Variants in YAP1 observed in about 807,000 individuals in gnomAD.
The protein encoded by YAP1 is Yes1 associated transcriptional regulator.
YAP1 carries 5 observed loss-of-function variants against 56.9 expected under a neutral mutation model. The observed-to-expected ratio is 0.09, with a 90% confidence interval of 0.05 to 0.18. The LOEUF (loss-of-function observed/expected upper bound fraction) is 0.18, where lower values mean the gene tolerates loss of function less well. YAP1 is among the 10% of genes least tolerant of loss of function. The probability of loss-of-function intolerance (pLI) is 1.00; values close to 1 mark genes in which losing one functional copy is unlikely to be tolerated. For synonymous variants in YAP1, 265 were observed against 248.1 expected (o/e 1.07, Z -0.64); for missense variants, 539 against 651.8 (o/e 0.83, Z 1.88).
chr11:102,144,958 A>T lies in YAP1; in HGVS notation c.573-17498A>T, dbSNP rs74845683. On this transcript the variant is annotated intron_variant, in intron 2 of 8. Transcript: ENST00000282441. ...CTCTCCTTCTCCTTCCCTCCCTCTC[A>T]GCTATTTCTGAGCACAGAGTCTTTT... 6.1e-3 allele frequency among the ~76,000 whole-genome samples: 929 copies of T among 151,896 alleles called. 13 individuals are homozygous for T. Among genetic ancestry groups the T allele is most frequent in the African/African-American group, 0.022 (901 of 41,420 alleles).
Position 102,205,899 on chromosome 11 carries a change from A to C in YAP1, c.809A>C (p.Asn270Thr). The stretch of plus-strand genomic sequence containing the variant: ...TTTTTTCTTTTCATTTCAGCCATGA[A>C]CCAGAGAATCAGTCAGAGTGCTCCA... The part of the protein sequence containing the change: ...DPRLDPRFAM[N>T]QRISQSAPVK... Residue 270 changes from asparagine to threonine, a missense_variant, in exon 5 of 9, where the codon AAC becomes ACC. Around this residue, in one of 4 missense-constraint regions of YAP1, gnomAD observed 414 missense variants for 512.4 expected, o/e 0.81. Coordinates refer to ENST00000282441, the MANE Select transcript of YAP1 (RefSeq NM_001130145.3). The C allele has an allele frequency of 6.6e-7, 1 of 1,511,362 alleles. No homozygotes were observed. The highest frequency in any genetic ancestry group is 1.4e-5 in the African/African-American group (1 of 71,160). The allele number at this position is 1,511,362 out of a possible 1,614,324, so 93.6% of individuals were successfully genotyped here. A position where few individuals can be genotyped will look rare whatever the true frequency, so the allele number is the denominator to read the frequency against.
intron 3 of YAP1, among the ~76,000 whole-genome samples, chr11:102,182,533 C>G (rs1206770849): frequency 6.6e-6 from 1 of 152,202 alleles, no homozygotes; most frequent in African/African-American, 2.4e-5. Context: ...AAGAGAATGA[C>G]TTGGAATCCT....
chr11:102,232,993 A>G lies in YAP1; in HGVS notation c.*3053A>G, dbSNP rs571618855. 6.6e-6 allele frequency: 1 copy of G among 152,246 alleles called. No homozygotes were observed. Among genetic ancestry groups the G allele is most frequent in the African/African-American group, 2.4e-5 (1 of 41,468 alleles). The allele number at this position is 152,246 out of a possible 1,614,324, so 9.4% of individuals were successfully genotyped here. A position where few individuals can be genotyped will look rare whatever the true frequency, so the allele number is the denominator to read the frequency against. Reference sequence around the variant, plus strand: ...AACATGGCAGAAAGACTGAAAAATAACAGTAATTAATTGTGTAATTCAGAA... The same window carrying G: ...AACATGGCAGAAAGACTGAAAAATAGCAGTAATTAATTGTGTAATTCAGAA... On this transcript the variant is annotated 3_prime_UTR_variant, in exon 9 of 9. Transcript: ENST00000282441.
chr11:102,128,966 G>A (rs1944208216), intron 2 of YAP1, among the ~76,000 whole-genome samples: 3 of 40,696 alleles, frequency 7.4e-5, no homozygotes, highest in African/African-American at 9.4e-5. Context: ...CCTCCCTCTC[G>A]CTTCCCTATC....
intron 2 of YAP1, among the ~76,000 whole-genome samples, chr11:102,153,128 T>G (rs1438347438): frequency 6.6e-6 from 1 of 152,264 alleles, no homozygotes; most frequent in African/African-American, 2.4e-5. Context: ...CTCTTAGATT[T>G]TAATCACATC....
At chr11:102,137,995 C>T (rs1944784285) in intron 2 of YAP1, among the ~76,000 whole-genome samples, 1 of 152,126 alleles carries the variant, frequency 6.6e-6, no homozygotes, top group Non-Finnish European at 1.5e-5. Flanking sequence ...TCAAGCAATT[C>T]TCTTGCCTCA....
At chr11:102,202,830 C>G (rs569899460) in intron 4 of YAP1, among the ~76,000 whole-genome samples, 2 of 152,282 alleles carry the variant, frequency 1.3e-5, no homozygotes, top group South Asian at 4.1e-4. Context: ...ATCATGAAGA[C>G]AGTCATCTTG....
intron 4 of YAP1, among the ~76,000 whole-genome samples, chr11:102,204,246 G>C (rs1949013949): frequency 6.6e-6 from 1 of 151,300 alleles, no homozygotes; most frequent in Non-Finnish European, 1.5e-5. Context: ...AAAAAAAAAG[G>C]TGTGCTAATG....
intron 6 of YAP1, among the ~76,000 whole-genome samples, chr11:102,215,940 TATG>T (rs1164560884): frequency 1.3e-5 from 2 of 152,224 alleles, no homozygotes; most frequent in African/African-American, 2.4e-5. Context: ...TTCTTAACAA[TATG>T]ATATGTCTTT....
At chr11:102,193,832 GTTTGATT>G (rs1475555278) in intron 4 of YAP1, among the ~76,000 whole-genome samples, 2 of 150,080 alleles carry the variant, frequency 1.3e-5, no homozygotes, top group African/African-American at 2.4e-5. Flanking sequence ...GTTTTTTTTT[GTTTGATT>G]TTTGTTTTTT....
chr11:102,124,767 A>C (rs1243333767), intron 2 of YAP1, among the ~76,000 whole-genome samples: 1 of 151,764 alleles, frequency 6.6e-6, no homozygotes, highest in African/African-American at 2.4e-5. Context: ...GGGCGGTCTC[A>C]CTCTGCTGCC....
intron 3 of YAP1, among the ~76,000 whole-genome samples, chr11:102,177,552 C>T (rs561439186): frequency 6.6e-6 from 1 of 152,024 alleles, no homozygotes; most frequent in South Asian, 2.1e-4. Flanking sequence ...TGGTGAGGGC[C>T]TGTAATCCCA....
chr11:102,161,033 G>A (rs1010566287), intron 2 of YAP1, among the ~76,000 whole-genome samples: 3 of 147,164 alleles, frequency 2.0e-5, no homozygotes, highest in Non-Finnish European at 4.5e-5. Context: ...CTCTTGGCCA[G>A]TGTCACCAAT....
At chr11:102,218,341 C>G (rs905108778) in intron 6 of YAP1, among the ~76,000 whole-genome samples, 1 of 152,194 alleles carries the variant, frequency 6.6e-6, no homozygotes, top group Non-Finnish European at 1.5e-5. Context: ...TACCTTAAAT[C>G]ATTTCTAGAT....
intron 3 of YAP1, 37 bp from the exon 4 acceptor site, chr11:102,185,981 A>G (rs1947922923): frequency 1.3e-6 from 2 of 1,530,268 alleles, no homozygotes; most frequent in Non-Finnish European, 1.7e-6. Flanking sequence ...TGCACCAAAT[A>G]AAAACCATGA....
chr11:102,115,989 C>T (rs1393920013), intron 2 of YAP1, among the ~76,000 whole-genome samples: 2 of 152,172 alleles, frequency 1.3e-5, no homozygotes. Flanking sequence ...AACATTTATG[C>T]TCTTCTTCTT....
Position 102,115,608 on chromosome 11 carries a change from T to TA in YAP1, c.572+1221dup, listed in dbSNP as rs11401798. The stretch of plus-strand genomic sequence containing the variant: ...TTTCTTTTCTTTTCTTCTTTTTTTT[T>TA]AAAAAAATTCATTTTCTGGTGTCCT... On this transcript the variant is annotated intron_variant, in intron 2 of 8. Transcript: ENST00000282441. Among the ~76,000 whole-genome samples the TA allele has an allele frequency of 2.1e-3, 317 of 151,938 alleles. 2 individuals are homozygous for TA. The highest frequency in any genetic ancestry group is 0.019 in the East Asian group (98 of 5,168).
chr11:102,142,689 C>T (rs1203931595), intron 2 of YAP1, among the ~76,000 whole-genome samples: 1 of 152,190 alleles, frequency 6.6e-6, no homozygotes, highest in Non-Finnish European at 1.5e-5. Context: ...CCATAGCTTT[C>T]AGAATTTATT....
At chr11:102,151,535 G>A (rs1483345345) in intron 2 of YAP1, among the ~76,000 whole-genome samples, 1 of 151,924 alleles carries the variant, frequency 6.6e-6, no homozygotes, top group South Asian at 2.1e-4. Flanking sequence ...TTCATTTATA[G>A]ATCATTTTAT....
Sources: gnomAD v4.1 joint callset for allele counts (sites outside exome capture counted in the v4.1 genomes callset) on GRCh38, gnomAD v4.1.1 for gene constraint, gnomAD v4.1.1 regional missense constraint, MANE v1.5 for transcripts, NCBI Gene and HGNC (gene_info 2026-07-23, HGNC 2026-07-21) for gene names.